Variants in TMTC1 observed in about 807,000 individuals in gnomAD.
TMTC1 encodes the protein protein O-mannosyl-transferase TMTC1.
A neutral mutation model predicts 104.8 loss-of-function variants in TMTC1; 73 were observed. The observed-to-expected ratio is 0.70, with a 90% confidence interval of 0.58 to 0.85. TMTC1 has a LOEUF of 0.85. TMTC1 is among the 40% of genes least tolerant of loss of function. TMTC1 has a pLI of 0.00. For synonymous variants in TMTC1, 434 were observed against 428.7 expected (o/e 1.01, Z -0.15); for missense variants, 1,035 against 1,096.1 (o/e 0.94, Z 0.79).
intron 5 of TMTC1, among the ~76,000 whole-genome samples, chr12:29,655,028 C>A (rs1004806946): frequency 6.6e-6 from 1 of 152,026 alleles, no homozygotes; most frequent in African/African-American, 2.4e-5. Context: ...GGATTACAGG[C>A]TCGTGCCACC....
chr12:29,553,594 G>A (rs1385397720), intron 10 of TMTC1, among the ~76,000 whole-genome samples: 1 of 152,094 alleles, frequency 6.6e-6, no homozygotes, highest in Admixed American at 6.5e-5. Flanking sequence ...AGGCACTCAG[G>A]AAACAGTAAA....
At chr12:29,515,331 C>G (rs561010855) in intron 15 of TMTC1, among the ~76,000 whole-genome samples, 2 of 152,118 alleles carry the variant, frequency 1.3e-5, no homozygotes, top group African/African-American at 4.8e-5. Flanking sequence ...CATGTTCCTC[C>G]TCTCCACAAA....
chr12:29,737,463 C>T (rs972425139), intron 5 of TMTC1, among the ~76,000 whole-genome samples: 36 of 152,122 alleles, frequency 2.4e-4, no homozygotes, highest in African/African-American at 8.2e-4. Context: ...GCGGTGAGCC[C>T]AGATCGCGCC....
Position 29,503,580 on chromosome 12 carries a change from T to C in TMTC1, c.*3266A>G, listed in dbSNP as rs191230673. The C allele has an allele frequency of 3.3e-5, 5 of 152,250 alleles. No homozygotes were observed. Among genetic ancestry groups the C allele is most frequent in the South Asian group, 2.1e-4 (1 of 4,826 alleles). The allele number at this position is 152,250 out of a possible 1,614,324, so 9.4% of individuals were successfully genotyped here. ...GGACTGGAAAAAGAGGGGTGATATA[T>C]ACATGAGGAACTCTAAATGTAGCTG... is the stretch of plus-strand genomic sequence containing the variant. On this transcript the variant is annotated 3_prime_UTR_variant, in exon 18 of 18. Transcript: ENST00000539277.
chr12:29,610,607 C>G (rs1565708308), intron 6 of TMTC1, among the ~76,000 whole-genome samples: 1 of 152,072 alleles, frequency 6.6e-6, no homozygotes, highest in Non-Finnish European at 1.5e-5. Flanking sequence ...AAGTTAAAGC[C>G]GATTCTCAGA....
intron 5 of TMTC1, among the ~76,000 whole-genome samples, chr12:29,710,866 A>G (rs1941892807): frequency 7.3e-6 from 1 of 136,582 alleles, no homozygotes; most frequent in Non-Finnish European, 1.5e-5. Flanking sequence ...TATATTAATT[A>G]TATTATTATA....
intron 5 of TMTC1, among the ~76,000 whole-genome samples, chr12:29,725,842 A>G (rs1269558723): frequency 1.3e-5 from 2 of 152,246 alleles, no homozygotes; most frequent in Non-Finnish European, 2.9e-5. Flanking sequence ...AAACAATAAC[A>G]TTTAAGACAT....
chr12:29,516,722 G>A (rs1000981257), intron 14 of TMTC1, among the ~76,000 whole-genome samples: 1 of 152,158 alleles, frequency 6.6e-6, no homozygotes, highest in African/African-American at 2.4e-5. Flanking sequence ...AATATATCCA[G>A]TGAAATGGCT....
rs532060098 is a variant in TMTC1 at position 29,593,828 on chromosome 12, TC to T, written c.1251-10255del. On this transcript the variant is annotated intron_variant, in intron 7 of 17. Transcript: ENST00000539277. ...TAACTGTTTGGAAGTTCAAGCAGGT[TC>T]TTTTTAGGATAGAATAACATTTTAT... Among the ~76,000 whole-genome samples the T allele has an allele frequency of 1.1e-4, 16 of 152,358 alleles. No individual in the cohort carries two copies. The South Asian group carries it at 3.3e-3, about 32-fold the overall frequency.
At chr12:29,632,567 T>C (rs1057179343) in intron 6 of TMTC1, among the ~76,000 whole-genome samples, 1 of 152,180 alleles carries the variant, frequency 6.6e-6, no homozygotes, top group African/African-American at 2.4e-5. Flanking sequence ...TCTGCCCTGA[T>C]TGTAAGTTTC....
intron 5 of TMTC1, among the ~76,000 whole-genome samples, chr12:29,748,636 C>T (rs1344505077): frequency 6.6e-6 from 1 of 152,172 alleles, no homozygotes; most frequent in Admixed American, 6.5e-5. Context: ...AAAAGTGATA[C>T]CACAGTGGTT....
chr12:29,547,522 T>G (rs1417319312), intron 10 of TMTC1, among the ~76,000 whole-genome samples: 5 of 152,252 alleles, frequency 3.3e-5, no homozygotes, highest in Non-Finnish European at 7.3e-5. Context: ...AACTTAATTT[T>G]GGACAGCCAC....
At chr12:29,682,456 A>G (rs536703511) in intron 5 of TMTC1, among the ~76,000 whole-genome samples, 1 of 152,354 alleles carries the variant, frequency 6.6e-6, no homozygotes, top group South Asian at 2.1e-4. Context: ...TTTAGTTGTA[A>G]TAGCGCAAAA....
At position 29,506,177 on chromosome 12, in the gene TMTC1, A is replaced by G. The variant is rs1943690728; in HGVS notation, c.*669T>C. ...CTTCCATAAAGAATTAGGGGTGCCC[A>G]GCTCCTTGATTTCCCCCTAGGGATA... On this transcript the variant is annotated 3_prime_UTR_variant, in exon 18 of 18. Coordinates refer to ENST00000539277, the MANE Select transcript of TMTC1 (RefSeq NM_001193451.2). The G allele has an allele frequency of 6.6e-6, 1 of 152,196 alleles. No individual in the cohort carries two copies. The highest frequency in any genetic ancestry group is 1.5e-5 in the Non-Finnish European group (1 of 68,026). 9.4% of individuals were successfully genotyped at this position (152,196 alleles called of 1,614,324 possible). A position where few individuals can be genotyped will look rare whatever the true frequency, so the allele number is the denominator to read the frequency against.
chr12:29,570,884 C>T, intron 9 of TMTC1, among the ~76,000 whole-genome samples: 1 of 140,956 alleles, frequency 7.1e-6, no homozygotes, highest in Non-Finnish European at 1.5e-5. Flanking sequence ...CAGAAACACC[C>T]CCCCCCCCCG....
intron 5 of TMTC1, among the ~76,000 whole-genome samples, chr12:29,670,938 A>AAAAAAAAAG (rs1253131640): frequency 8.2e-6 from 1 of 121,584 alleles, no homozygotes; most frequent in Non-Finnish European, 1.6e-5. Context: ...CTGTCTCAAA[A>AAAAAAAAAG]AAAAAGAAAA....
intron 7 of TMTC1, among the ~76,000 whole-genome samples, chr12:29,598,524 T>G (rs1946471786): frequency 6.6e-6 from 1 of 152,226 alleles, no homozygotes; most frequent in Admixed American, 6.5e-5. Flanking sequence ...ACACAGGATA[T>G]CTTTCCAATT....
chr12:29,651,333 T>G (rs972668966), intron 5 of TMTC1, among the ~76,000 whole-genome samples: 3 of 152,118 alleles, frequency 2.0e-5, no homozygotes, highest in Non-Finnish European at 4.4e-5. Flanking sequence ...CAGTTGGTGG[T>G]GGGTCAGGGA....
At chr12:29,580,682 G>A (rs1484929836) in intron 8 of TMTC1, among the ~76,000 whole-genome samples, 5 of 152,132 alleles carry the variant, frequency 3.3e-5, no homozygotes, top group Non-Finnish European at 5.9e-5. Flanking sequence ...CCACTCAGCT[G>A]GCTCCTGTTT....
Sources: allele counts gnomAD v4.1 joint callset (sites outside exome capture counted in the v4.1 genomes callset), GRCh38; gene constraint gnomAD v4.1.1; transcripts MANE v1.5; gene names NCBI Gene and HGNC (gene_info 2026-07-23, HGNC 2026-07-21).